The following PCBD2 variants were observed in gnomAD, a reference collection of about 807,000 sequenced individuals.
PCBD2 encodes pterin-4-alpha-carbinolamine dehydratase 2.
A neutral mutation model predicts 16.4 loss-of-function variants in PCBD2; 12 were observed. The observed-to-expected ratio is 0.73, with a 90% CI of 0.47 to 1.19. The LOEUF (loss-of-function observed/expected upper bound fraction) is 1.19, where lower values mean the gene tolerates loss of function less well. PCBD2 is among the 50% of genes most tolerant of loss of function. PCBD2 has a pLI of 0.00. For missense variants in PCBD2, 138 were observed against 156.8 expected (o/e 0.88, Z 0.64); for synonymous variants, 58 against 61.8 (o/e 0.94, Z 0.29).
chr5:134,942,015 A>G (rs1470199509), intron 2 of PCBD2, among the ~76,000 whole-genome samples: 1 of 149,044 alleles, frequency 6.7e-6, no homozygotes, highest in Non-Finnish European at 1.5e-5. Flanking sequence ...CTGTAGTCCC[A>G]GCTACTTGGG....
chr5:134,918,512 A>G (rs1750861486), intron 2 of PCBD2, among the ~76,000 whole-genome samples: 1 of 152,204 alleles, frequency 6.6e-6, no homozygotes, highest in Non-Finnish European at 1.5e-5. Flanking sequence ...AAAAAATAAA[A>G]TAAAATAAAA....
chr5:134,933,097 A>G (rs777815931), intron 2 of PCBD2, among the ~76,000 whole-genome samples: 1 of 152,160 alleles, frequency 6.6e-6, no homozygotes, highest in Non-Finnish European at 1.5e-5. Context: ...TCACTTAAAA[A>G]CGCTGTGAAT....
Position 134,905,234 on chromosome 5 carries a change from A to C in PCBD2, c.84+11A>C. Reference sequence around the variant, plus strand: ...GGGCTAGCGGCCATGGTGAGTGCACAGCGGCCGCGTGGGTGGGGGTCCGGG... The same window carrying C: ...GGGCTAGCGGCCATGGTGAGTGCACCGCGGCCGCGTGGGTGGGGGTCCGGG... On this transcript the variant is annotated intron_variant, in intron 1 of 3. Coordinates refer to ENST00000254908, the MANE Select transcript of PCBD2 (RefSeq NM_032151.5). 1 of 1,212,714 alleles carries C rather than the reference A, an allele frequency of 8.2e-7. No individual in the cohort carries two copies. The allele number at this position is 1,212,714 out of a possible 1,614,324, so 75.1% of individuals were successfully genotyped here.
chr5:134,908,623 C>A lies in PCBD2; in HGVS notation c.85-1712C>A, dbSNP rs1432189907. ...GAGGTTGCAGTGAGCTGAGATCACA[C>A]CACTGCACTCCAGCCTGGGTGACAG... is the stretch of plus-strand genomic sequence containing the variant. On this transcript the variant is annotated intron_variant, in intron 1 of 3. Transcript: ENST00000254908. Among the ~76,000 whole-genome samples the A allele has an allele frequency of 2.0e-5, 3 of 149,922 alleles. No homozygotes were observed. In the East Asian group the frequency reaches 5.9e-4, roughly 29 times the overall value.
At chr5:134,947,504 C>T (rs1751309683) in intron 2 of PCBD2, among the ~76,000 whole-genome samples, 1 of 150,420 alleles carries the variant, frequency 6.6e-6, no homozygotes, top group Non-Finnish European at 1.5e-5. Flanking sequence ...TCTCCTGCCT[C>T]AGCCTCCCGA....
At chr5:134,929,266 G>A (rs565389539) in intron 2 of PCBD2, among the ~76,000 whole-genome samples, 69 of 151,648 alleles carry the variant, frequency 4.6e-4, no homozygotes, top group African/African-American at 1.6e-3. Context: ...AGAATTGCTT[G>A]AGGCCAGGAG....
At chr5:134,956,028 A>T (rs557822760) in intron 2 of PCBD2, among the ~76,000 whole-genome samples, 1 of 152,276 alleles carries the variant, frequency 6.6e-6, no homozygotes, top group African/African-American at 2.4e-5. Context: ...ATTTTGAAAG[A>T]AGTTTTTAAT....
At chr5:134,915,382 C>T (rs913201341) in intron 2 of PCBD2, among the ~76,000 whole-genome samples, 3 of 150,392 alleles carry the variant, frequency 2.0e-5, no homozygotes, top group Admixed American at 6.6e-5. Context: ...TATTGTTCTG[C>T]ATGTATGCAA....
intron 2 of PCBD2, among the ~76,000 whole-genome samples, chr5:134,952,387 C>T (rs1751368574): frequency 6.6e-6 from 1 of 152,082 alleles, no homozygotes; most frequent in Admixed American, 6.5e-5. Context: ...TGTTTAATTT[C>T]TGTGAATATT....
Position 134,939,340 on chromosome 5 carries a change from G to GT in PCBD2, c.217-19687dup, listed in dbSNP as rs11301782. Among the ~76,000 whole-genome samples the GT allele has an allele frequency of 4.0e-3, 549 of 138,428 alleles. 1 individual carries two copies. Among genetic ancestry groups the GT allele is most frequent in the South Asian group, 6.0e-3 (26 of 4,364 alleles). 90.8% of individuals were successfully genotyped at this position (138,428 alleles called of 152,430 possible). On this transcript the variant is annotated intron_variant, in intron 2 of 3. Transcript: ENST00000254908. Reference sequence around the variant, plus strand: ...TATTTTCAGGTTTTGATGTTTTGTTGTTTTTTTTTTTTTGAGATTCTGAAG... The same window carrying GT: ...TATTTTCAGGTTTTGATGTTTTGTTGTTTTTTTTTTTTTTGAGATTCTGAAG...
chr5:134,913,369 T>C (rs1750790492), intron 2 of PCBD2, among the ~76,000 whole-genome samples: 1 of 152,122 alleles, frequency 6.6e-6, no homozygotes, highest in African/African-American at 2.4e-5. Context: ...CTGAATAATG[T>C]GAAGGAGCTC....
chr5:134,951,489 G>A (rs1751358169), intron 2 of PCBD2, among the ~76,000 whole-genome samples: 1 of 152,034 alleles, frequency 6.6e-6, no homozygotes, highest in Non-Finnish European at 1.5e-5. Context: ...TACCTTTCTT[G>A]TAATTTATGA....
chr5:134,915,874 T>G (rs1750826326), intron 2 of PCBD2, among the ~76,000 whole-genome samples: 1 of 152,132 alleles, frequency 6.6e-6, no homozygotes, highest in African/African-American at 2.4e-5. Flanking sequence ...CTCCATATAC[T>G]CATAGCAATG....
intron 2 of PCBD2, among the ~76,000 whole-genome samples, 193 bp downstream of exon 2, chr5:134,910,659 G>A (rs1292542139): frequency 6.6e-6 from 1 of 152,222 alleles, no homozygotes. Context: ...TTTAGCTCTG[G>A]GGGAAGAGGG....
intron 2 of PCBD2, among the ~76,000 whole-genome samples, chr5:134,915,436 ATTTTT>A (rs760173801): frequency 1.8e-5 from 2 of 114,220 alleles, no homozygotes; most frequent in South Asian, 2.6e-4. Context: ...TGGGCCTCTA[ATTTTT>A]TTTTTTTTTT....
At chr5:134,932,245 G>A (rs565224829) in intron 2 of PCBD2, among the ~76,000 whole-genome samples, 2 of 152,068 alleles carry the variant, frequency 1.3e-5, no homozygotes, top group African/African-American at 4.8e-5. Context: ...CGACGTGATC[G>A]TAGCTTACTG....
chr5:134,946,774 A>G (rs1293943900), intron 2 of PCBD2, among the ~76,000 whole-genome samples: 1 of 152,154 alleles, frequency 6.6e-6, no homozygotes, highest in Non-Finnish European at 1.5e-5. Context: ...TGGCTGCCCC[A>G]CAGATGATGG....
At chr5:134,915,955 C>G (rs1750827451) in intron 2 of PCBD2, among the ~76,000 whole-genome samples, 1 of 152,122 alleles carries the variant, frequency 6.6e-6, no homozygotes, top group African/African-American at 2.4e-5. Context: ...CACCCTCTCC[C>G]TGAAAGAGTG....
At chr5:134,907,317 G>A (rs886968883) in intron 1 of PCBD2, among the ~76,000 whole-genome samples, 5 of 151,750 alleles carry the variant, frequency 3.3e-5, no homozygotes, top group African/African-American at 9.7e-5. Flanking sequence ...CGGTCTTGGC[G>A]CACTGCAACT....
Sources: allele counts gnomAD v4.1 joint callset (sites outside exome capture counted in the v4.1 genomes callset), GRCh38; gene constraint gnomAD v4.1.1; transcripts MANE v1.5; gene names NCBI Gene and HGNC (gene_info 2026-07-23, HGNC 2026-07-21).